The following NLRP2 variants were observed in gnomAD, a reference collection of about 807,000 sequenced individuals.
The protein encoded by NLRP2 is NLR family pyrin domain containing 2.
Under a neutral mutation model 97.2 loss-of-function variants are expected in NLRP2, and 107 were observed. That is an observed-to-expected ratio of 1.10 (90% CI 0.94 to 1.29). NLRP2 has a LOEUF of 1.29. Among genes scored for constraint, NLRP2 ranks in the 50% most tolerant of loss-of-function variants. The probability of loss-of-function intolerance (pLI) is 0.00; values close to 1 mark genes in which losing one functional copy is unlikely to be tolerated. For synonymous variants in NLRP2, 663 were observed against 551.5 expected, an observed-to-expected ratio of 1.20 and a Z score of -2.83; for missense variants, 1,495 against 1,330.3, an observed-to-expected ratio of 1.12 and a Z score of -1.93.
intron 3 of NLRP2, among the ~76,000 whole-genome samples, chr19:54,977,487 TTGTGTGTGTGTGTGTG>T (rs61515967): frequency 4.1e-4 from 60 of 147,536 alleles, no homozygotes; most frequent in Admixed American, 9.0e-4. Flanking sequence ...CGTGAGTAGT[TTGTGTGTGTGTGTGTG>T]TGTGTGTGTG....
At chr19:54,968,404 A>G (rs532779162) in intron 1 of NLRP2, among the ~76,000 whole-genome samples, 1 of 151,376 alleles carries the variant, frequency 6.6e-6, no homozygotes, top group African/African-American at 2.4e-5. Context: ...AGCTCACTGC[A>G]GCCTTAACTT....
chr19:54,998,066 G>A (rs2072940357), intron 12 of NLRP2, among the ~76,000 whole-genome samples: 1 of 136,032 alleles, frequency 7.4e-6, no homozygotes, highest in African/African-American at 2.8e-5. Flanking sequence ...TCACTCTGTT[G>A]CCCAGGCTGG....
At chr19:54,975,256 G>A (rs368664240) in intron 3 of NLRP2, among the ~76,000 whole-genome samples, 1 of 149,504 alleles carries the variant, frequency 6.7e-6, no homozygotes, top group South Asian at 2.2e-4. Context: ...GAGTAGCTGG[G>A]ACCACAGGCA....
rs897486122 is a variant in NLRP2, at chr19:54,975,388, C to T, written c.325+844C>T. On this transcript the variant is annotated intron_variant, in intron 3 of 12. Transcript: ENST00000448584. ...CCTCCTGCCTCACCCTCCCAAACTGCTGGGGTACAGGTGTGAGCCATGACA... is the reference window on the plus strand; with the variant it reads ...CCTCCTGCCTCACCCTCCCAAACTGTTGGGGTACAGGTGTGAGCCATGACA... 3.4e-5 allele frequency among the ~76,000 whole-genome samples: 5 copies of T among 145,566 alleles called. 1 individual carries two copies. Among genetic ancestry groups the T allele is most frequent in the African/African-American group, 1.0e-4 (4 of 38,420 alleles).
rs773162464 is a variant in NLRP2 at position 54,982,241 on chromosome 19, G to A, written c.543G>A (p.Glu181=). The change falls in exon 6 of 13, where the codon GAG becomes GAA. Residue 181 remains glutamate, a synonymous_variant. Coordinates refer to ENST00000448584, the MANE Select transcript of NLRP2 (RefSeq NM_017852.5). The part of the protein sequence containing the change: ...MWKSWPGDSK[E]VQVMAERYKM... The stretch of plus-strand genomic sequence containing the variant: ...AGAGCTGGCCTGGAGATAGCAAAGA[G>A]GTCCAGGTTATGGCTGAGAGATACA... 5 of 1,614,130 alleles carry A rather than the reference G, an allele frequency of 3.1e-6. No individual in the cohort carries two copies. The South Asian group carries it at 4.4e-5, about 14-fold the overall frequency.
At position 54,982,875 on chromosome 19, in the gene NLRP2, C is replaced by G; in HGVS notation, c.1177C>G (p.Gln393Glu). ...ELMRSNAALF[Q>E]LGSAPAVCWI... ...AATGAGGAGCAACGCGGCCCTGTTC[C>G]AGCTGGGCTCGGCCCCCGCGGTGTG... is the stretch of plus-strand genomic sequence containing the variant. The change falls in exon 6 of 13, where the codon CAG becomes GAG. Residue 393 changes from glutamine to glutamate, a missense_variant. Transcript: ENST00000448584. The G allele has an allele frequency of 6.2e-7, 1 of 1,613,088 alleles. No individual in the cohort carries two copies. Among genetic ancestry groups the G allele is most frequent in the South Asian group, 1.1e-5 (1 of 91,032 alleles).
chr19:54,969,351 G>T (rs543949934), intron 1 of NLRP2, among the ~76,000 whole-genome samples: 487 of 152,122 alleles, frequency 3.2e-3, no homozygotes, highest in Non-Finnish European at 5.5e-3. Flanking sequence ...AGTGGTGAAT[G>T]CCTGTAATCC....
intron 4 of NLRP2, 108 bp from the exon 5 acceptor site, chr19:54,981,509 G>GA: frequency 1.6e-4 from 63 of 386,494 alleles, no homozygotes; most frequent in Middle Eastern, 4.2e-4. Flanking sequence ...CTGATCCCGT[G>GA]CCCCCCCTCC....
chr19:54,985,863 T>TGG (rs2072037644), intron 7 of NLRP2, among the ~76,000 whole-genome samples: 2 of 152,070 alleles, frequency 1.3e-5, no homozygotes, highest in African/African-American at 4.8e-5. Flanking sequence ...CCAGGTGTCG[T>TGG]GGCAGGTGCC....
intron 4 of NLRP2, 115 bp downstream of exon 4, chr19:54,977,938 T>A: frequency 1.0e-6 from 1 of 955,704 alleles, no homozygotes; most frequent in Non-Finnish European, 1.6e-6. Context: ...TCCACTATTC[T>A]TAATGTGCCC....
chr19:54,985,025 C>A (rs753451694), intron 6 of NLRP2, 22 bp from the exon 7 acceptor site: 55 of 1,613,004 alleles, frequency 3.4e-5, no homozygotes, highest in Middle Eastern at 1.7e-4. Flanking sequence ...TTTGGTGTAA[C>A]CCTTTCTTCT....
chr19:54,971,613 A>G (rs2070857680), intron 2 of NLRP2, among the ~76,000 whole-genome samples: 1 of 151,736 alleles, frequency 6.6e-6, no homozygotes, highest in African/African-American at 2.4e-5. Context: ...GGCTGCATAA[A>G]TGTCTTCTTT....
chr19:54,975,121 T>C (rs1021882882), intron 3 of NLRP2, among the ~76,000 whole-genome samples: 1 of 83,918 alleles, frequency 1.2e-5, no homozygotes, highest in African/African-American at 5.4e-5. Context: ...TTTTTTTTTT[T>C]TTTTTTTTTT....
intron 1 of NLRP2, among the ~76,000 whole-genome samples, chr19:54,966,997 A>C (rs1023409973): frequency 4.6e-5 from 7 of 151,550 alleles, no homozygotes; most frequent in Admixed American, 2.7e-4. Context: ...GGGTGCCACC[A>C]CATCTGTTCT....
chr19:54,968,919 T>A (rs1041653017), intron 1 of NLRP2, among the ~76,000 whole-genome samples: 2 of 151,744 alleles, frequency 1.3e-5, no homozygotes, highest in Middle Eastern at 3.2e-3. Flanking sequence ...GCCAGGATGG[T>A]CTCGATCTCC....
intron 11 of NLRP2, among the ~76,000 whole-genome samples, chr19:54,996,172 A>G (rs1241854756): frequency 6.6e-6 from 1 of 151,906 alleles, no homozygotes; most frequent in Non-Finnish European, 1.5e-5. Context: ...GCGTTACCAC[A>G]CTCCAGCCTG....
rs377478033 is a variant in NLRP2, at chr19:54,977,843, A to G, written c.397+20A>G. On this transcript the variant is annotated intron_variant, in intron 4 of 12. Coordinates refer to ENST00000448584, the MANE Select transcript of NLRP2 (RefSeq NM_017852.5). ...CACAAGGTGGGTGTCAGGACCTCCA[A>G]TGTTGGAGTCAGCTGAGGAAGCCCC... is the stretch of plus-strand genomic sequence containing the variant. 4.8e-5 allele frequency: 77 copies of G among 1,611,720 alleles called. No homozygotes were observed. In the Middle Eastern group the frequency reaches 8.3e-4, roughly 17 times the overall value.
At chr19:54,976,179 C>T (rs113365831) in intron 3 of NLRP2, among the ~76,000 whole-genome samples, 28 of 151,986 alleles carry the variant, frequency 1.8e-4, no homozygotes, top group African/African-American at 5.8e-4. Flanking sequence ...CTCAGCCTCC[C>T]GAGTAGCTGG....
chr19:54,995,186 T>C (rs1332570512), intron 11 of NLRP2, among the ~76,000 whole-genome samples: 3 of 113,024 alleles, frequency 2.7e-5, no homozygotes, highest in African/African-American at 6.4e-5. Flanking sequence ...AGTGGGTGCC[T>C]CTTTTTTTTT....
Sources: allele counts gnomAD v4.1 joint callset (sites outside exome capture counted in the v4.1 genomes callset), GRCh38; gene constraint gnomAD v4.1.1; transcripts MANE v1.5; gene names NCBI Gene and HGNC (gene_info 2026-07-23, HGNC 2026-07-21).